PTPRG: variants seen among roughly 807,000 people sequenced by gnomAD.
The protein encoded by PTPRG is protein tyrosine phosphatase receptor type G, also known as receptor-type tyrosine-protein phosphatase gamma.
Under a neutral mutation model 165.3 loss-of-function variants are expected in PTPRG, and 102 were observed. The observed-to-expected ratio is 0.62, with a 90% CI of 0.53 to 0.73. The LOEUF (loss-of-function observed/expected upper bound fraction) is 0.73, where lower values mean the gene tolerates loss of function less well. PTPRG is among the 30% of genes least tolerant of loss of function. The probability of loss-of-function intolerance (pLI) is 0.00; values close to 1 mark genes in which losing one functional copy is unlikely to be tolerated. For synonymous variants in PTPRG, 675 were observed against 669.5 expected (o/e 1.01, Z -0.13); for missense variants, 1,866 against 1,861.4 (o/e 1.00, Z -0.05).
At chr3:61,635,522 A>G (rs377299054) in intron 1 of PTPRG, among the ~76,000 whole-genome samples, 2 of 151,614 alleles carry the variant, frequency 1.3e-5, no homozygotes, top group African/African-American at 4.8e-5. Context: ...ACGCCTGGCT[A>G]ATTTTTGTAT....
chr3:61,836,949 C>T (rs921751927), intron 2 of PTPRG, among the ~76,000 whole-genome samples: 4 of 151,778 alleles, frequency 2.6e-5, no homozygotes, highest in Non-Finnish European at 4.4e-5. Flanking sequence ...CTTGCTCAGT[C>T]GCCCAGGCTG....
At chr3:61,987,976 CAA>C (rs1254271990) in intron 2 of PTPRG, among the ~76,000 whole-genome samples, 1 of 152,012 alleles carries the variant, frequency 6.6e-6, no homozygotes, top group Non-Finnish European at 1.5e-5. Flanking sequence ...GGGAATTTGA[CAA>C]AGAGGTAAAA....
intron 6 of PTPRG, among the ~76,000 whole-genome samples, chr3:62,147,223 A>G (rs1373696300): frequency 6.6e-6 from 1 of 152,220 alleles, no homozygotes; most frequent in Non-Finnish European, 1.5e-5. Context: ...AAGGAGGCAA[A>G]CTGAAGCAAA....
intron 2 of PTPRG, among the ~76,000 whole-genome samples, chr3:61,768,757 A>G (rs1410837692): frequency 1.3e-5 from 2 of 151,822 alleles, no homozygotes; most frequent in Non-Finnish European, 2.9e-5. Flanking sequence ...AAAGAGGAAA[A>G]TAGTTGTGTG....
intron 2 of PTPRG, among the ~76,000 whole-genome samples, chr3:61,798,632 T>TA (rs1199983295): frequency 1.4e-4 from 22 of 151,870 alleles, no homozygotes; most frequent in South Asian, 4.2e-4. Flanking sequence ...TTTTTTTTTT[T>TA]TTTTTTAAAC....
chr3:61,933,563 AATTG>A (rs2039413452), intron 2 of PTPRG, among the ~76,000 whole-genome samples: 1 of 152,156 alleles, frequency 6.6e-6, no homozygotes, highest in African/African-American at 2.4e-5. Context: ...AATTTCCACT[AATTG>A]ATTAATTGAT....
chr3:61,826,302 G>T (rs755184420), intron 2 of PTPRG, among the ~76,000 whole-genome samples: 31 of 152,200 alleles, frequency 2.0e-4, no homozygotes, highest in Non-Finnish European at 4.0e-4. Context: ...TATCAATGCT[G>T]ATACATTTAA....
At chr3:61,803,399 A>T (rs1013654292) in intron 2 of PTPRG, among the ~76,000 whole-genome samples, 1 of 143,882 alleles carries the variant, frequency 7.0e-6, no homozygotes, top group African/African-American at 2.7e-5. Context: ...CTGTAAGCCC[A>T]TCCCATTTCT....
At chr3:61,774,051 AG>A in intron 2 of PTPRG, among the ~76,000 whole-genome samples, 1 of 152,314 alleles carries the variant, frequency 6.6e-6, no homozygotes, top group South Asian at 2.1e-4. Context: ...CTAGGATAAC[AG>A]GTGTGAGCCA....
chr3:61,704,836 T>C (rs1200979722), intron 1 of PTPRG, among the ~76,000 whole-genome samples: 6 of 152,232 alleles, frequency 3.9e-5, no homozygotes, highest in Admixed American at 3.9e-4. Context: ...TTTGTTCAGA[T>C]AGGATTAATA....
chr3:61,939,233 A>G (rs1041805286), intron 2 of PTPRG, among the ~76,000 whole-genome samples: 14 of 152,152 alleles, frequency 9.2e-5, no homozygotes, highest in Admixed American at 1.3e-4. Flanking sequence ...AAGCAGCCCT[A>G]TATTTACTCA....
chr3:61,811,513 G>T (rs1421165818), intron 2 of PTPRG, among the ~76,000 whole-genome samples: 1 of 152,164 alleles, frequency 6.6e-6, no homozygotes, highest in Non-Finnish European at 1.5e-5. Flanking sequence ...AGCCAGAATG[G>T]ACAGTGATGA....
intron 11 of PTPRG, among the ~76,000 whole-genome samples, chr3:62,202,521 G>T (rs1484847861): frequency 6.6e-6 from 1 of 152,184 alleles, no homozygotes; most frequent in Non-Finnish European, 1.5e-5. Context: ...TTTTCCCACG[G>T]ATCAACTTAG....
At chr3:61,797,770 A>G (rs2035097952) in intron 2 of PTPRG, among the ~76,000 whole-genome samples, 1 of 151,970 alleles carries the variant, frequency 6.6e-6, no homozygotes, top group African/African-American at 2.4e-5. Context: ...GACTGCCCGG[A>G]GTGTGGTGTG....
chr3:61,567,850 G>T (rs1261044897), intron 1 of PTPRG, among the ~76,000 whole-genome samples: 2 of 151,038 alleles, frequency 1.3e-5, no homozygotes, highest in African/African-American at 4.9e-5. Flanking sequence ...TGTACTTGGT[G>T]GTATGCGCCT....
chr3:62,178,696 A>G (rs1705530776), intron 8 of PTPRG, among the ~76,000 whole-genome samples: 1 of 152,230 alleles, frequency 6.6e-6, no homozygotes, highest in South Asian at 2.1e-4. Context: ...TACTGGTAGC[A>G]GACTCCAGGG....
In PTPRG at chr3:62,077,291, A is replaced by G. The variant is rs560882275; in HGVS notation, c.520-872A>G. Among the ~76,000 whole-genome samples the G allele has an allele frequency of 1.1e-3, 166 of 151,724 alleles. 1 individual carries two copies. Among genetic ancestry groups the G allele is most frequent in the Non-Finnish European group, 2.0e-3 (133 of 67,964 alleles). ...GTTTGTTTGTTTAAAAAAAAAAAAA[A>G]CAAACCATAATGCTAGCCAAATGTA... On this transcript the variant is annotated intron_variant, in intron 4 of 29. Coordinates refer to ENST00000474889, the MANE Select transcript of PTPRG (RefSeq NM_002841.4).
At chr3:61,920,138 A>G (rs1430173526) in intron 2 of PTPRG, among the ~76,000 whole-genome samples, 1 of 152,190 alleles carries the variant, frequency 6.6e-6, no homozygotes, top group Non-Finnish European at 1.5e-5. Flanking sequence ...TCGTCCCCAC[A>G]TCTCAGTTCT....
intron 16 of PTPRG, among the ~76,000 whole-genome samples, chr3:62,256,562 A>T (rs1482939424): frequency 1.3e-5 from 2 of 152,208 alleles, no homozygotes; most frequent in African/African-American, 4.8e-5. Context: ...GTTTAAGTCA[A>T]ACATTTTGTA....
Sources: gnomAD v4.1 joint callset for allele counts (sites outside exome capture counted in the v4.1 genomes callset) on GRCh38, gnomAD v4.1.1 for gene constraint, MANE v1.5 for transcripts, NCBI Gene and HGNC (gene_info 2026-07-23, HGNC 2026-07-21) for gene names.